PFKFB1: variants seen among roughly 807,000 people sequenced by gnomAD.
The protein encoded by PFKFB1 is 6-phosphofructo-2-kinase/fructose-2,6-biphosphatase 1.
A neutral mutation model predicts 46.4 loss-of-function variants in PFKFB1; 34 were observed. The ratio of observed to expected loss-of-function variants is 0.73; its 90% CI spans 0.56 to 0.98. PFKFB1 has a LOEUF of 0.98. Among genes scored for constraint, PFKFB1 ranks in the 50% least tolerant of loss-of-function variants. The pLI, the probability that PFKFB1 is intolerant of heterozygous loss-of-function variation, is 0.00. For missense variants in PFKFB1, 393 were observed against 376.3 expected (o/e 1.04, Z -0.37); for synonymous variants, 119 against 133.8 (o/e 0.89, Z 0.76).
intron 10 of PFKFB1, among the ~76,000 whole-genome samples, chrX:54,943,541 G>GGA (rs1249356686): frequency 9.0e-6 from 1 of 111,640 alleles, no homozygotes; most frequent in Non-Finnish European, 1.9e-5. Context: ...CATGAGGTCA[G>GGA]GAGATGGAGA....
rs1198204049 is a variant in PFKFB1, at chrX:54,937,581, G to A, written c.1228+14C>T. ...TACCATCAAACATTCCCAAAGCAGA[G>A]ATGAGGGTAGTACCTGAACTTTTAT... On this transcript the variant is annotated intron_variant, in intron 11 of 13. Coordinates refer to ENST00000375006, the MANE Select transcript of PFKFB1 (RefSeq NM_002625.4). The A allele has an allele frequency of 8.3e-7, 1 of 1,204,181 alleles. No individual in the cohort carries two copies. The highest frequency in any genetic ancestry group is 3.0e-5 in the East Asian group (1 of 33,803).
At chrX:54,984,971 G>A (rs1024275033) in intron 1 of PFKFB1, among the ~76,000 whole-genome samples, 1 of 110,926 alleles carries the variant, frequency 9.0e-6, no homozygotes, top group East Asian at 2.8e-4. Flanking sequence ...ACCAGAAGCT[G>A]CTGTCTCGCC....
rs1226598348 is a variant in PFKFB1 at position 54,964,541 on chromosome X, C to CT, written c.98-1160dup. ...TTATTTATTTGGATTATTTTACTTT[C>CT]TTTTTTTACATTATAGATTCAGGGG... On this transcript the variant is annotated intron_variant, in intron 1 of 13. Transcript: ENST00000375006. Among the ~76,000 whole-genome samples, 3 of 111,662 alleles carry CT rather than the reference C, an allele frequency of 2.7e-5. No homozygotes were observed. In the Admixed American group the frequency reaches 2.9e-4, roughly 11 times the overall value.
intron 13 of PFKFB1, 96 bp from the exon 14 acceptor site, chrX:54,933,558 T>C (rs1191677955): frequency 1.3e-6 from 1 of 744,460 alleles, no homozygotes; most frequent in Non-Finnish European, 2.1e-6. Context: ...CTCCCCTCTT[T>C]CAGCCAGGCC....
At chrX:54,945,304 C>T in intron 10 of PFKFB1, 135 bp downstream of exon 10, 1 of 402,228 alleles carries the variant, frequency 2.5e-6, no homozygotes, top group Non-Finnish European at 4.3e-6. Context: ...TAATCATGTG[C>T]CTTGTGGGAT....
intron 1 of PFKFB1, among the ~76,000 whole-genome samples, chrX:54,991,124 A>G (rs1334695019): frequency 9.0e-6 from 1 of 111,697 alleles, no homozygotes; most frequent in African/African-American, 3.3e-5. Context: ...TAAGAAAGAT[A>G]AAAATGAGGG....
intron 1 of PFKFB1, among the ~76,000 whole-genome samples, chrX:54,984,608 A>G (rs1935070965): frequency 8.9e-6 from 1 of 112,016 alleles, no homozygotes; most frequent in South Asian, 3.7e-4. Flanking sequence ...CGACCTTACT[A>G]CTGTCCCCTC....
In PFKFB1 at chrX:54,956,174, G is replaced by C; in HGVS notation, c.617C>G (p.Pro206Arg). Reference sequence around the variant, plus strand: ...TTACCTGTCCAGTTCCTCATCCAAGGGTTGGTAGTTGACCTCATAGCACTC... The same window carrying C: ...TTACCTGTCCAGTTCCTCATCCAAGCGTTGGTAGTTGACCTCATAGCACTC... ...RIECYEVNYQ[P>R]LDEELDSHLS... is the part of the protein sequence containing the mutation. Residue 206 changes from proline to arginine, a missense_variant, in exon 7 of 14, where the codon CCC (proline) becomes CGC (arginine). By Grantham distance (103) the Pro-to-Arg change is moderately radical (BLOSUM62 -2). Coordinates refer to ENST00000375006, the MANE Select transcript of PFKFB1 (RefSeq NM_002625.4). 2 of 1,205,868 alleles carry C rather than the reference G, an allele frequency of 1.7e-6. No individual in the cohort carries two copies. The highest frequency in any genetic ancestry group is 1.7e-5 in the African/African-American group (1 of 57,694).
intron 5 of PFKFB1, 96 bp downstream of exon 5, chrX:54,958,755 T>C: frequency 3.7e-6 from 2 of 540,482 alleles, no homozygotes; most frequent in Admixed American, 5.7e-5. Context: ...GAGCTTATGG[T>C]TGCGGATTTG....
In PFKFB1 at chrX:54,942,231, C is replaced by T. The variant is rs771034168; in HGVS notation, c.1098+3208G>A. ...ACACAGGAAGGGGAACATCACACCC[C>T]GGGGCCTGTTGTGGGGTGGAGGAAT... On this transcript the variant is annotated intron_variant, in intron 10 of 13. Transcript: ENST00000375006. Among the ~76,000 whole-genome samples, 8 of 110,026 alleles carry T rather than the reference C, an allele frequency of 7.3e-5. No individual in the cohort carries two copies. In the South Asian group the frequency reaches 2.8e-3, roughly 39 times the overall value.
At chrX:54,974,146 C>G (rs1318329578) in intron 1 of PFKFB1, among the ~76,000 whole-genome samples, 1 of 111,276 alleles carries the variant, frequency 9.0e-6, no homozygotes, top group Non-Finnish European at 1.9e-5. Flanking sequence ...GGCTAAGAAA[C>G]TACAATGGCC....
intron 9 of PFKFB1, among the ~76,000 whole-genome samples, chrX:54,947,698 C>T (rs1342914954): frequency 9.0e-6 from 1 of 111,679 alleles, no homozygotes; most frequent in Non-Finnish European, 1.9e-5. Context: ...AGTGGTGAAG[C>T]TTTTATGTTG....
At chrX:54,937,103 A>G (rs1933429474) in intron 11 of PFKFB1, among the ~76,000 whole-genome samples, 1 of 111,520 alleles carries the variant, frequency 9.0e-6, no homozygotes, top group Non-Finnish European at 1.9e-5. Context: ...TTTAAAATGA[A>G]AACATCACTA....
chrX:54,997,157 T>G (rs751542543), upstream of PFKFB1, among the ~76,000 whole-genome samples: 15 of 112,152 alleles, frequency 1.3e-4, no homozygotes, highest in Non-Finnish European at 2.8e-4. Flanking sequence ...TGTGGACAAC[T>G]AATCCTAGTT....
At chrX:54,973,255 C>T (rs191903475) in intron 1 of PFKFB1, among the ~76,000 whole-genome samples, 100 of 111,065 alleles carry the variant, frequency 9.0e-4, no homozygotes, top group African/African-American at 2.9e-3. Flanking sequence ...GTCTTGCTAG[C>T]GGTCTATCAA....
At chrX:54,947,712 C>T (rs1933846160) in intron 9 of PFKFB1, among the ~76,000 whole-genome samples, 3 of 111,460 alleles carry the variant, frequency 2.7e-5, no homozygotes, top group African/African-American at 9.8e-5. Flanking sequence ...TATGTTGACG[C>T]CTAACAATCA....
At chrX:54,974,544 C>G (rs1336114303) in intron 1 of PFKFB1, among the ~76,000 whole-genome samples, 6 of 111,041 alleles carry the variant, frequency 5.4e-5, no homozygotes, top group Non-Finnish European at 1.1e-4. Flanking sequence ...TTGGCTTAGG[C>G]AAAGAATTCA....
intron 1 of PFKFB1, among the ~76,000 whole-genome samples, chrX:54,980,208 C>A (rs1379783654): frequency 9.0e-6 from 1 of 111,085 alleles, no homozygotes; most frequent in East Asian, 2.9e-4. Flanking sequence ...CAGAAACAGA[C>A]AAAATAGATG....
At chrX:54,980,318 TACAC>T (rs35051444) in intron 1 of PFKFB1, among the ~76,000 whole-genome samples, 14 of 106,218 alleles carry the variant, frequency 1.3e-4, no homozygotes, top group Admixed American at 5.0e-4. Context: ...TGATTTAACA[TACAC>T]ACACACACAC....
Sources: gnomAD v4.1 joint callset for allele counts (sites outside exome capture counted in the v4.1 genomes callset) on GRCh38, gnomAD v4.1.1 for gene constraint, MANE v1.5 for transcripts, NCBI Gene and HGNC (gene_info 2026-07-23, HGNC 2026-07-21) for gene names.